Variants in KIAA0232 observed in about 807,000 individuals in gnomAD.
KIAA0232 encodes KIAA0232, also known as uncharacterized protein KIAA0232.
In KIAA0232, 27 loss-of-function variants were observed where a neutral mutation model predicts 122.0. That is an observed-to-expected ratio of 0.22 (90% CI 0.16 to 0.31). The LOEUF (loss-of-function observed/expected upper bound fraction) is 0.31. KIAA0232 is among the 10% of genes least tolerant of loss of function. KIAA0232 has a pLI of 1.00. For synonymous variants in KIAA0232, 613 were observed against 587.6 expected, an observed-to-expected ratio of 1.04 and a Z score of -0.63; for missense variants, 1,551 against 1,634.2, an observed-to-expected ratio of 0.95 and a Z score of 0.88.
At chr4:6,802,972 A>G (rs1055071124) in intron 1 of KIAA0232, among the ~76,000 whole-genome samples, 1 of 149,818 alleles carries the variant, frequency 6.7e-6, no homozygotes, top group Non-Finnish European at 1.5e-5. Context: ...AGCCTAGGCA[A>G]CATACTGGGC....
In KIAA0232 at chr4:6,800,855, A is replaced by ATG. The variant is rs567487777; in HGVS notation, c.-353-3665_-353-3664dup. Reference sequence around the variant, plus strand: ...CCTGGGCTCATCACTCTGAAAGGTTATGTGAGGGGGGTGATACGAAGAGCC... The same window carrying ATG: ...CCTGGGCTCATCACTCTGAAAGGTTATGTGTGAGGGGGGTGATACGAAGAGCC... On this transcript the variant is annotated intron_variant, in intron 1 of 9. Transcript: ENST00000307659. 5.6e-4 allele frequency among the ~76,000 whole-genome samples: 85 copies of ATG among 152,318 alleles called. 5 individuals carry two copies. The South Asian group carries it at 0.017, about 31-fold the overall frequency.
chr4:6,841,173 A>AT (rs773992200), intron 3 of KIAA0232, among the ~76,000 whole-genome samples: 62 of 152,304 alleles, frequency 4.1e-4, no homozygotes, highest in Admixed American at 1.3e-3. Context: ...TGCTTCATAC[A>AT]TTTTTTGTTC....
intron 2 of KIAA0232, among the ~76,000 whole-genome samples, chr4:6,805,956 A>T (rs1391845347): frequency 6.6e-6 from 1 of 151,984 alleles, no homozygotes; most frequent in Non-Finnish European, 1.5e-5. Flanking sequence ...TTTCATAATA[A>T]TTTTGTTTTA....
At chr4:6,871,375 A>C (rs1261499702) in intron 7 of KIAA0232, among the ~76,000 whole-genome samples, 199 bp from the exon 8 acceptor site, 1 of 152,220 alleles carries the variant, frequency 6.6e-6, no homozygotes, top group African/African-American at 2.4e-5. Flanking sequence ...TGGAGGTTGC[A>C]GTGAGCCAAG....
chr4:6,864,430 A>G (rs1023038970), intron 7 of KIAA0232, among the ~76,000 whole-genome samples: 10 of 152,228 alleles, frequency 6.6e-5, no homozygotes, highest in South Asian at 6.2e-4. Context: ...TAAGATTCCT[A>G]TGTGTTGTCT....
chr4:6,842,108 GA>G lies in KIAA0232; in HGVS notation c.276del (p.Lys92AsnfsTer12). On this transcript the variant is annotated frameshift_variant, in exon 4 of 10. Transcript: ENST00000307659. LOFTEE classifies it high-confidence loss of function. ...TGGGCTGGGAAAAAGGAGCTTATAA[GA>G]AATGGGGAAAGAGTAAGAAAAAATG... ...FLGWEKGAYKKWGKSKKKCSD... is the reference protein window; with the variant it reads ...FLGWEKGAYKXWGKSKKKCSD... 1 of 1,613,534 alleles carries G rather than the reference GA, an allele frequency of 6.2e-7. No homozygotes were observed. The highest frequency in any genetic ancestry group is 8.5e-7 in the Non-Finnish European group (1 of 1,179,830).
intron 3 of KIAA0232, among the ~76,000 whole-genome samples, chr4:6,827,156 A>G (rs983418313): frequency 2.0e-5 from 3 of 152,218 alleles, no homozygotes; most frequent in East Asian, 1.9e-4. Context: ...TCCCACGCCA[A>G]TGAAGAAGGT....
At chr4:6,864,229 T>C in intron 7 of KIAA0232, 46 bp downstream of exon 7, 2 of 1,538,852 alleles carry the variant, frequency 1.3e-6, no homozygotes, top group Non-Finnish European at 1.7e-6. Flanking sequence ...TTGATCAGAG[T>C]TTAACCCAAG....
At chr4:6,829,992 T>C (rs1718882405) in intron 3 of KIAA0232, among the ~76,000 whole-genome samples, 1 of 152,230 alleles carries the variant, frequency 6.6e-6, no homozygotes, top group Non-Finnish European at 1.5e-5. Flanking sequence ...ACTTTTCTTG[T>C]TATACATTGA....
chr4:6,862,091 C>T lies in KIAA0232; in HGVS notation c.1709C>T (p.Ser570Phe). The T allele has an allele frequency of 6.2e-7, 1 of 1,614,162 alleles. No homozygotes were observed. Among genetic ancestry groups the T allele is most frequent in the South Asian group, 1.1e-5 (1 of 91,070 alleles). The change falls in exon 7 of 10, where the codon TCT becomes TTT. Residue 570 changes from serine (S) to phenylalanine (F), a missense_variant. This residue lies in a region of KIAA0232 where 1,108 missense variants were observed against 1,154.8 expected (regional missense o/e 0.96). Coordinates refer to ENST00000307659, the MANE Select transcript of KIAA0232 (RefSeq NM_014743.3). ...LQGERAIWTD[S>F]TSSVGAEGLF... Reference sequence around the variant, plus strand: ...GGGGAACGTGCAATATGGACAGATTCTACCAGCTCCGTAGGTGCTGAGGGC... The same window carrying T: ...GGGGAACGTGCAATATGGACAGATTTTACCAGCTCCGTAGGTGCTGAGGGC...
chr4:6,860,784 A>T, intron 6 of KIAA0232, 117 bp from the exon 7 acceptor site: 2 of 852,784 alleles, frequency 2.3e-6, no homozygotes, highest in Non-Finnish European at 3.7e-6. Context: ...TTCTTGGATG[A>T]TGTGAATGTT....
At chr4:6,791,001 C>T (rs1397319428) in intron 1 of KIAA0232, among the ~76,000 whole-genome samples, 2 of 148,530 alleles carry the variant, frequency 1.3e-5, no homozygotes, top group East Asian at 2.0e-4. Context: ...TTACTGCAAC[C>T]TCCACCTCCC....
intron 4 of KIAA0232, among the ~76,000 whole-genome samples, chr4:6,850,753 C>G (rs544588035): frequency 1.3e-5 from 2 of 152,018 alleles, no homozygotes; most frequent in African/African-American, 4.8e-5. Flanking sequence ...TCACTGCAGC[C>G]TCTGCCTCCT....
At chr4:6,806,442 C>G (rs1405246280) in intron 2 of KIAA0232, among the ~76,000 whole-genome samples, 1 of 151,964 alleles carries the variant, frequency 6.6e-6, no homozygotes, top group Non-Finnish European at 1.5e-5. Flanking sequence ...CAAACAGTAA[C>G]AAAACAATAA....
At chr4:6,830,490 C>T (rs1377279357) in intron 3 of KIAA0232, among the ~76,000 whole-genome samples, 1 of 149,028 alleles carries the variant, frequency 6.7e-6, no homozygotes, top group East Asian at 2.0e-4. Flanking sequence ...TCACTGCAGC[C>T]TCTGCCTCCT....
At chr4:6,874,593 CAG>C (rs1446858919) in intron 8 of KIAA0232, among the ~76,000 whole-genome samples, 1 of 152,152 alleles carries the variant, frequency 6.6e-6, no homozygotes, top group East Asian at 1.9e-4. Context: ...GCATTAAAGA[CAG>C]AGAGTCCTGC....
In KIAA0232 at chr4:6,817,601, G is replaced by T. The variant is rs118188066; in HGVS notation, c.-269-6584G>T. Among the ~76,000 whole-genome samples the T allele has an allele frequency of 1.4e-3, 209 of 152,294 alleles. 3 individuals carry two copies. The East Asian group carries it at 0.035, about 25-fold the overall frequency. ...TTGATGTTACCAGTTATAATTCCAT[G>T]TGGTCAGAGAACATGCATGTATGAT... On this transcript the variant is annotated intron_variant, in intron 2 of 9. Transcript: ENST00000307659.
rs543355740 is a variant in KIAA0232 at position 6,831,725 on chromosome 4, A to G, written c.231+7041A>G. Reference sequence around the variant, plus strand: ...CCCACACAGCTTTAGAGTTCCTCACATGCTCAGAGGGGAGGCCAGCAGAGT... The same window carrying G: ...CCCACACAGCTTTAGAGTTCCTCACGTGCTCAGAGGGGAGGCCAGCAGAGT... On this transcript the variant is annotated intron_variant, in intron 3 of 9. Transcript: ENST00000307659. 1.6e-4 allele frequency among the ~76,000 whole-genome samples: 24 copies of G among 152,332 alleles called. 1 individual carries two copies. In the East Asian group the frequency reaches 4.6e-3, roughly 29 times the overall value.
chr4:6,844,623 A>G (rs1363791476), intron 4 of KIAA0232, among the ~76,000 whole-genome samples: 1 of 151,910 alleles, frequency 6.6e-6, no homozygotes, highest in African/African-American at 2.4e-5. Flanking sequence ...TTTAGTAGAG[A>G]TGGGGTTTCA....
Sources: gnomAD v4.1 joint callset for allele counts (sites outside exome capture counted in the v4.1 genomes callset) on GRCh38, gnomAD v4.1.1 for gene constraint, gnomAD v4.1.1 regional missense constraint, MANE v1.5 for transcripts, NCBI Gene and HGNC (gene_info 2026-07-23, HGNC 2026-07-21) for gene names.